The following KALRN variants were observed in gnomAD, a reference collection of about 807,000 sequenced individuals.
KALRN encodes kalirin.
A neutral mutation model predicts 353.7 loss-of-function variants in KALRN; 70 were observed. The observed-to-expected ratio is 0.20, with a 90% confidence interval of 0.16 to 0.24. The LOEUF (loss-of-function observed/expected upper bound fraction) is 0.24. KALRN is among the 10% of genes least tolerant of loss of function. KALRN has a pLI of 1.00. For missense variants in KALRN, 2,791 were observed against 3,756.7 expected, an observed-to-expected ratio of 0.74 and a Z score of 6.72; for synonymous variants, 1,391 against 1,434.8, an observed-to-expected ratio of 0.97 and a Z score of 0.69.
intron 1 of KALRN, among the ~76,000 whole-genome samples, chr3:124,064,159 A>G (rs1314951812): frequency 6.6e-6 from 1 of 152,178 alleles, no homozygotes; most frequent in Non-Finnish European, 1.5e-5. Flanking sequence ...GGAGACAACC[A>G]AGAAGATATA....
chr3:124,367,107 G>A (rs2084894411), intron 10 of KALRN, among the ~76,000 whole-genome samples: 1 of 113,802 alleles, frequency 8.8e-6, no homozygotes, highest in African/African-American at 3.5e-5. Context: ...GCCGGGCTGA[G>A]GGGCTCCTCA....
intron 1 of KALRN, among the ~76,000 whole-genome samples, chr3:124,037,346 T>C (rs1400582356): frequency 6.6e-6 from 1 of 152,202 alleles, no homozygotes; most frequent in African/African-American, 2.4e-5. Context: ...GAATGAAGAA[T>C]GGGCAGTGGC....
chr3:124,309,980 A>G (rs2078091971), intron 6 of KALRN, among the ~76,000 whole-genome samples: 1 of 152,344 alleles, frequency 6.6e-6, no homozygotes, highest in South Asian at 2.1e-4. Flanking sequence ...AAGTAAAACT[A>G]TATTTTCAGA....
chr3:124,314,358 G>T (rs1484279771), intron 6 of KALRN, among the ~76,000 whole-genome samples: 1 of 116,070 alleles, frequency 8.6e-6, no homozygotes, highest in Non-Finnish European at 1.7e-5. Flanking sequence ...TGTGGGGTGG[G>T]GGGAGGGGGG....
At chr3:124,712,376 T>C (rs2150782756) in intron 57 of KALRN, among the ~76,000 whole-genome samples, 1 of 152,320 alleles carries the variant, frequency 6.6e-6, no homozygotes, top group Non-Finnish European at 1.5e-5. Context: ...GTAGAATTCC[T>C]CCTTCTTTAA....
chr3:124,302,658 C>T (rs2077361011), intron 6 of KALRN, among the ~76,000 whole-genome samples: 1 of 152,260 alleles, frequency 6.6e-6, no homozygotes, highest in Non-Finnish European at 1.5e-5. Flanking sequence ...GCTAGGGCTG[C>T]CATAACAATG....
chr3:124,669,745 A>C (rs2086147277), intron 47 of KALRN, among the ~76,000 whole-genome samples: 1 of 152,204 alleles, frequency 6.6e-6, no homozygotes, highest in East Asian at 1.9e-4. Context: ...GAGTCTGTGG[A>C]TGCTCAAGTC....
chr3:124,709,926 A>C (rs2150762551), intron 57 of KALRN, among the ~76,000 whole-genome samples: 1 of 152,380 alleles, frequency 6.6e-6, no homozygotes, highest in African/African-American at 2.4e-5. Flanking sequence ...CAAATTCTCC[A>C]TGAGGAAAAG....
intron 5 of KALRN, among the ~76,000 whole-genome samples, chr3:124,273,738 C>T (rs964371221): frequency 7.8e-6 from 1 of 127,546 alleles, no homozygotes; most frequent in African/African-American, 3.0e-5. Flanking sequence ...TCTTAATGAG[C>T]AATCTGTGGA....
At chr3:124,561,926 G>A (rs927417598) in intron 33 of KALRN, among the ~76,000 whole-genome samples, 1 of 152,178 alleles carries the variant, frequency 6.6e-6, no homozygotes, top group Non-Finnish European at 1.5e-5. Context: ...CCAGAAGAAA[G>A]GGGGGAAGTG....
chr3:124,214,850 A>G (rs989940289), intron 1 of KALRN, among the ~76,000 whole-genome samples: 4 of 152,196 alleles, frequency 2.6e-5, no homozygotes, highest in Non-Finnish European at 4.4e-5. Flanking sequence ...CTCAAGGCCA[A>G]CTAAGAAAAA....
At chr3:124,463,542 A>C (rs1013775144) in intron 25 of KALRN, among the ~76,000 whole-genome samples, 1 of 152,206 alleles carries the variant, frequency 6.6e-6, no homozygotes, top group African/African-American at 2.4e-5. Context: ...GTAGCACTAG[A>C]TATGTGTGGC....
At chr3:124,617,299 A>G (rs568247557) in intron 34 of KALRN, among the ~76,000 whole-genome samples, 1 of 152,272 alleles carries the variant, frequency 6.6e-6, no homozygotes, top group African/African-American at 2.4e-5. Flanking sequence ...GAGCCACTGC[A>G]CTCCAGCCTG....
chr3:124,366,924 G>C (rs1220398026), intron 10 of KALRN, among the ~76,000 whole-genome samples: 2 of 141,656 alleles, frequency 1.4e-5, no homozygotes, highest in Non-Finnish European at 3.1e-5. Context: ...GGCTGGCCGG[G>C]CAGAGGGGCT....
At chr3:124,335,671 T>C (rs569366159) in intron 9 of KALRN, among the ~76,000 whole-genome samples, 1 of 152,234 alleles carries the variant, frequency 6.6e-6, no homozygotes, top group Admixed American at 6.5e-5. Context: ...TGTCCTAGGA[T>C]GGGCTCTGCA....
intron 34 of KALRN, among the ~76,000 whole-genome samples, chr3:124,569,944 G>T (rs1349040021): frequency 2.0e-5 from 3 of 152,186 alleles, no homozygotes; most frequent in African/African-American, 7.2e-5. Flanking sequence ...TGGACAGCAG[G>T]CTGAGCTTAG....
chr3:124,489,397 TG>T lies in KALRN; in HGVS notation c.4396+1085del, dbSNP rs574790104. ...AGTCTGTTGCAAATATGTAAACACG[TG>T]GGCTGTTTTTTCTCTTCTGGACTCC... is the stretch of plus-strand genomic sequence containing the variant. On this transcript the variant is annotated intron_variant, in intron 29 of 59. Coordinates refer to ENST00000682506, the MANE Select transcript of KALRN (RefSeq NM_001388419.1). Among the ~76,000 whole-genome samples, 458 of 152,256 alleles carry T rather than the reference TG, an allele frequency of 3.0e-3. 4 individuals carry two copies. The highest frequency in any genetic ancestry group is 0.011 in the African/African-American group (437 of 41,544).
intron 1 of KALRN, among the ~76,000 whole-genome samples, chr3:124,117,405 G>T (rs1024138555): frequency 4.0e-5 from 6 of 151,888 alleles, no homozygotes; most frequent in African/African-American, 1.5e-4. Context: ...TTTATTAAGG[G>T]TCATCTCTGG....
chr3:124,164,541 G>A (rs990204963), intron 1 of KALRN: 3 of 152,148 alleles, frequency 2.0e-5, no homozygotes, highest in African/African-American at 7.2e-5. Flanking sequence ...TGCACCTATA[G>A]AAAACTTGTC....
Sources: gnomAD v4.1 joint callset for allele counts (sites outside exome capture counted in the v4.1 genomes callset) on GRCh38, gnomAD v4.1.1 for gene constraint, MANE v1.5 for transcripts, NCBI Gene and HGNC (gene_info 2026-07-23, HGNC 2026-07-21) for gene names.